Variants in SCHIP1 observed in about 807,000 individuals in gnomAD.
SCHIP1 encodes the protein schwannomin interacting protein 1.
SCHIP1 carries 8 observed loss-of-function variants against 29.7 expected under a neutral mutation model. That is an observed-to-expected ratio of 0.27 (90% CI 0.16 to 0.49). The LOEUF is 0.49. Among genes scored for constraint, SCHIP1 ranks in the 20% least tolerant of loss-of-function variants. The pLI, the probability that SCHIP1 is intolerant of heterozygous loss-of-function variation, is 0.99. For synonymous variants in SCHIP1, 76 were observed against 94.9 expected, an observed-to-expected ratio of 0.80 and a Z score of 1.16; for missense variants, 193 against 294.6, an observed-to-expected ratio of 0.66 and a Z score of 2.52.
chr3:159,661,834 C>A, the SCHIP1 span, among the ~76,000 whole-genome samples: 1 of 152,148 alleles, frequency 6.6e-6, no homozygotes. Flanking sequence ...GTCGTCCTTG[C>A]CCTCCAGGAC....
the SCHIP1 span, among the ~76,000 whole-genome samples, chr3:159,576,553 G>A: frequency 6.6e-6 from 1 of 152,092 alleles, no homozygotes; most frequent in Non-Finnish European, 1.5e-5. Context: ...CTGCAAAATT[G>A]TATCTTTTTG....
At chr3:159,546,107 C>T in the SCHIP1 span, among the ~76,000 whole-genome samples, 1 of 152,042 alleles carries the variant, frequency 6.6e-6, no homozygotes, top group African/African-American at 2.4e-5. Flanking sequence ...GATAAAATCA[C>T]TTTTTAATTC....
intron 1 of SCHIP1, among the ~76,000 whole-genome samples, chr3:159,850,288 T>G (rs1216804939): frequency 6.6e-6 from 1 of 152,128 alleles, no homozygotes. Context: ...GCATGGTGGC[T>G]TACACCTGTA....
the SCHIP1 span, among the ~76,000 whole-genome samples, chr3:159,810,696 G>A: frequency 3.3e-5 from 5 of 152,078 alleles, no homozygotes; most frequent in African/African-American, 1.2e-4. Flanking sequence ...TTATATTTTG[G>A]TCGTCCATTT....
At chr3:159,297,632 C>T in the SCHIP1 span, among the ~76,000 whole-genome samples, 1 of 152,088 alleles carries the variant, frequency 6.6e-6, no homozygotes, top group African/African-American at 2.4e-5. Flanking sequence ...TGCAGACACA[C>T]CACTGTCAAA....
chr3:159,473,674 G>GA, the SCHIP1 span, among the ~76,000 whole-genome samples: 2,282 of 81,382 alleles, frequency 0.028, 48 homozygotes, highest in African/African-American at 0.067. Context: ...ATGTAACTAC[G>GA]AAAAAAAAAA....
At chr3:159,333,851 A>G in the SCHIP1 span, among the ~76,000 whole-genome samples, 12 of 152,292 alleles carry the variant, frequency 7.9e-5, no homozygotes, top group South Asian at 2.1e-4. Flanking sequence ...TCTCAAATAC[A>G]CATTGGAATT....
At chr3:159,817,319 C>T in the SCHIP1 span, among the ~76,000 whole-genome samples, 744 of 152,020 alleles carry the variant, frequency 4.9e-3, 8 homozygotes, top group African/African-American at 0.017. Flanking sequence ...TGGCGGGCTG[C>T]GGGTGGCGGG....
At chr3:159,540,152 C>T in the SCHIP1 span, among the ~76,000 whole-genome samples, 47 of 151,964 alleles carry the variant, frequency 3.1e-4, 1 homozygote, top group African/African-American at 1.1e-3. Flanking sequence ...TTGACCATCC[C>T]GTTGCATTAT....
chr3:159,659,943 C>T, the SCHIP1 span, among the ~76,000 whole-genome samples: 5 of 152,102 alleles, frequency 3.3e-5, no homozygotes, highest in Non-Finnish European at 5.9e-5. Flanking sequence ...GATCTCCTTG[C>T]ATTTGGAGGG....
At chr3:159,337,803 A>G in the SCHIP1 span, among the ~76,000 whole-genome samples, 24 of 152,246 alleles carry the variant, frequency 1.6e-4, 1 homozygote, top group Admixed American at 1.4e-3. Context: ...TGGTGGCATG[A>G]GATACTCCTA....
At chr3:159,528,405 A>T in the SCHIP1 span, among the ~76,000 whole-genome samples, 3 of 152,262 alleles carry the variant, frequency 2.0e-5, no homozygotes, top group Admixed American at 2.0e-4. Context: ...GCTACTCCTG[A>T]TCCCTTCCCT....
At chr3:159,740,277 T>G in the SCHIP1 span, among the ~76,000 whole-genome samples, 1 of 152,226 alleles carries the variant, frequency 6.6e-6, no homozygotes, top group Non-Finnish European at 1.5e-5. Flanking sequence ...AGGAGCTGGC[T>G]GCAGGCCATA....
At chr3:159,391,368 A>G in the SCHIP1 span, among the ~76,000 whole-genome samples, 1 of 152,188 alleles carries the variant, frequency 6.6e-6, no homozygotes, top group African/African-American at 2.4e-5. Context: ...ATAATACTAA[A>G]GACATTTTGA....
chr3:159,681,745 C>G, the SCHIP1 span, among the ~76,000 whole-genome samples: 2 of 152,104 alleles, frequency 1.3e-5, no homozygotes, highest in Non-Finnish European at 2.9e-5. Context: ...TGGACTTTAA[C>G]CAAAATCTTC....
chr3:159,347,125 A>G, the SCHIP1 span, among the ~76,000 whole-genome samples: 6 of 152,286 alleles, frequency 3.9e-5, no homozygotes, highest in East Asian at 1.2e-3. Flanking sequence ...TTCCACATCT[A>G]TAGACGATAG....
At chr3:159,616,722 G>C in the SCHIP1 span, among the ~76,000 whole-genome samples, 1 of 152,016 alleles carries the variant, frequency 6.6e-6, no homozygotes, top group Admixed American at 6.6e-5. Flanking sequence ...AGCAACACAG[G>C]CTTGTTTCTC....
the SCHIP1 span, among the ~76,000 whole-genome samples, chr3:159,302,511 G>A: frequency 0.11 from 17,315 of 152,184 alleles, 1,102 homozygotes; most frequent in Middle Eastern, 0.15. Context: ...AGGAAAACCT[G>A]CCTTTAATGC....
chr3:159,814,374 A>C, the SCHIP1 span, among the ~76,000 whole-genome samples: 2 of 152,076 alleles, frequency 1.3e-5, no homozygotes, highest in African/African-American at 4.8e-5. Flanking sequence ...CTCTGAATAA[A>C]CTTCCTGCCT....
Sources: allele counts gnomAD v4.1 joint callset (sites outside exome capture counted in the v4.1 genomes callset), GRCh38; gene constraint gnomAD v4.1.1; transcripts MANE v1.5; gene names NCBI Gene and HGNC (gene_info 2026-07-23, HGNC 2026-07-21).